NTRK1: variants seen among roughly 807,000 people sequenced by gnomAD.
The protein encoded by NTRK1 is high affinity nerve growth factor receptor.
NTRK1 carries 62 observed loss-of-function variants against 86.8 expected under a neutral mutation model. The observed-to-expected ratio is 0.71, with a 90% CI of 0.58 to 0.88. The LOEUF (loss-of-function observed/expected upper bound fraction) is 0.88, where lower values mean the gene tolerates loss of function less well. Among genes scored for constraint, NTRK1 ranks in the 40% least tolerant of loss-of-function variants. The probability of loss-of-function intolerance (pLI) is 0.00; values close to 1 mark genes in which losing one functional copy is unlikely to be tolerated. For missense variants in NTRK1, 967 were observed against 1,078.4 expected, an observed-to-expected ratio of 0.90 and a Z score of 1.45; for synonymous variants, 469 against 456.6, an observed-to-expected ratio of 1.03 and a Z score of -0.35.
intron 2 of NTRK1, chr1:156,851,264 G>T (rs779124058): frequency 2.5e-6 from 4 of 1,613,666 alleles, no homozygotes; most frequent in Admixed American, 3.3e-5. Context: ...GTAATAGAAG[G>T]AGCTGGTCAG....
chr1:156,854,614 C>T lies in NTRK1; in HGVS notation c.51-9740C>T, dbSNP rs956384965. Among the ~76,000 whole-genome samples the T allele has an allele frequency of 4.6e-5, 7 of 152,234 alleles. No individual in the cohort carries two copies. The highest frequency in any genetic ancestry group is 1.2e-4 in the African/African-American group (5 of 41,464). ...CCCAACGACTGCAAGCGACTCCCAG[C>T]GACTTCATTCTTGCAGTCACCCTTA... is the stretch of plus-strand genomic sequence containing the variant. On this transcript the variant is annotated intron_variant, in intron 2 of 16. Coordinates refer to the NTRK1 transcript ENST00000392302. This position sits in a 1 kb window ranked among gnomAD's most constrained non-coding sequence, Gnocchi z 4.2.
chr1:156,867,652 C>CTTTCT (rs1175607828), intron 4 of NTRK1, among the ~76,000 whole-genome samples: 16 of 149,348 alleles, frequency 1.1e-4, no homozygotes, highest in Middle Eastern at 3.7e-3. Flanking sequence ...TCTTTTCTTT[C>CTTTCT]TTTCTTTTCT....
rs763193926 is a variant in NTRK1, at chr1:156,843,436, C to T, written c.50+1243C>T. 2.4e-5 allele frequency: 39 copies of T among 1,614,040 alleles called. No individual in the cohort carries two copies. Among genetic ancestry groups the T allele is most frequent in the East Asian group, 1.6e-4 (7 of 44,900 alleles). On this transcript the variant is annotated intron_variant, in intron 2 of 16. Transcript: ENST00000392302. ...CCACTCCCAGACCTACTATCAGAGG[C>T]GCTGAAGTACTCTGGATTCACAGAA...
upstream of NTRK1, chr1:156,858,871 C>G: frequency 1.9e-6 from 1 of 539,496 alleles, no homozygotes; most frequent in Non-Finnish European, 3.3e-6. Context: ...GAGATGGGGA[C>G]AGAGATGCAG....
intron 2 of NTRK1, chr1:156,845,027 T>C (rs1006283833): frequency 2.6e-6 from 4 of 1,561,982 alleles, no homozygotes; most frequent in African/African-American, 2.7e-5. Flanking sequence ...TTGCACAGGG[T>C]CCTTGGGGTC....
At chr1:156,841,228 A>G in intron 1 of NTRK1, 1 of 965,066 alleles carries the variant, frequency 1.0e-6, no homozygotes, top group Non-Finnish European at 1.6e-6. Context: ...GAGGGTGAGA[A>G]GGGATTAAAT....
At chr1:156,862,241 G>A (rs962073023) in intron 1 of NTRK1, among the ~76,000 whole-genome samples, 10 of 152,162 alleles carry the variant, frequency 6.6e-5, no homozygotes, top group Admixed American at 5.9e-4. Context: ...GGTAATTAAC[G>A]GGAAGGCACT....
In NTRK1 at chr1:156,868,564, C is replaced by T. The variant is rs2102894461; in HGVS notation, c.634C>T (p.Leu212=). Residue 212 remains leucine, a synonymous_variant, in exon 6 of 17, where the codon CTG becomes TTG. Coordinates refer to ENST00000524377, the MANE Select transcript of NTRK1 (RefSeq NM_002529.4). ...NASVDVGDDV[L]LRCQVEGRGL... The stretch of plus-strand genomic sequence containing the variant: ...CTCGGTGGATGTGGGGGACGACGTG[C>T]TGCTGCGGTGCCAGGTGGAGGGGCG... 6.4e-7 allele frequency: 1 copy of T among 1,555,610 alleles called. No homozygotes were observed. Among genetic ancestry groups the T allele is most frequent in the Non-Finnish European group, 8.7e-7 (1 of 1,149,278 alleles).
upstream of NTRK1, chr1:156,860,734 G>C (rs1655596201): frequency 1.6e-5 from 17 of 1,046,506 alleles, no homozygotes; most frequent in Non-Finnish European, 2.0e-5. Flanking sequence ...ACAGGGGAGG[G>C]GGCAGAGGGG....
At chr1:156,863,766 C>G (rs1655793949) in intron 1 of NTRK1, among the ~76,000 whole-genome samples, 1 of 152,120 alleles carries the variant, frequency 6.6e-6, no homozygotes, top group Admixed American at 6.5e-5. Flanking sequence ...TGCATGAGCA[C>G]AGGCTTCGTC....
At chr1:156,860,398 T>C (rs956358833), upstream of NTRK1, among the ~76,000 whole-genome samples, 3 of 152,212 alleles carry the variant, frequency 2.0e-5, no homozygotes, top group African/African-American at 7.2e-5. Context: ...TGGTAGTCCT[T>C]TTCGTTTTCT....
upstream of NTRK1, chr1:156,860,725 CAG>C: frequency 1.0e-6 from 1 of 992,210 alleles, no homozygotes; most frequent in Non-Finnish European, 1.3e-6. Context: ...GGGCCCCTAA[CAG>C]GGGAGGGGGC....
In NTRK1 at chr1:156,868,605, C is replaced by A. The variant is rs1407589933; in HGVS notation, c.675C>A (p.Ala225=). 6.4e-7 allele frequency: 1 copy of A among 1,551,042 alleles called. No individual in the cohort carries two copies. Among genetic ancestry groups the A allele is most frequent in the Non-Finnish European group, 8.7e-7 (1 of 1,147,070 alleles). Residue 225 remains alanine, a synonymous_variant, in exon 6 of 17, where the codon GCC becomes GCA. Transcript: ENST00000524377. ...CQVEGRGLEQ[A]GWILTELEQS... ...TGGAGGGGCGGGGCCTGGAGCAGGCCGGCTGGATCCTCACAGAGCTGGAGC... is the reference window on the plus strand; with the variant it reads ...TGGAGGGGCGGGGCCTGGAGCAGGCAGGCTGGATCCTCACAGAGCTGGAGC...
chr1:156,819,386 C>T (rs1472696352), intron 1 of NTRK1, among the ~76,000 whole-genome samples: 1 of 152,062 alleles, frequency 6.6e-6, no homozygotes, highest in African/African-American at 2.4e-5. Context: ...TTTTAATTTG[C>T]ATTTCCCTGA....
chr1:156,872,598 T>TATATATAC (rs1021461095), intron 7 of NTRK1, among the ~76,000 whole-genome samples: 4 of 151,624 alleles, frequency 2.6e-5, no homozygotes, highest in Non-Finnish European at 5.9e-5. Flanking sequence ...ATATTATATA[T>TATATATAC]ATATATACAT....
At chr1:156,864,840 C>T (rs1420076211) in intron 3 of NTRK1, 41 bp downstream of exon 3, 103 of 1,588,526 alleles carry the variant, frequency 6.5e-5, no homozygotes, top group Non-Finnish European at 8.9e-5. Context: ...TTGGGGAGGA[C>T]ACCCAGACTT....
chr1:156,841,531 G>A lies in NTRK1; in HGVS notation c.-63-550G>A, dbSNP rs1270619004. The A allele has an allele frequency of 1.9e-6, 3 of 1,613,992 alleles. No homozygotes were observed. The South Asian group carries it at 3.3e-5, about 18-fold the overall frequency. On this transcript the variant is annotated intron_variant, in intron 1 of 16. Coordinates refer to the NTRK1 transcript ENST00000392302. ...CCCAGAGTACCACGCCAAAGGACCT[G>A]GGGGCATGCAGGAGCTCCTGAGCCC...
At chr1:156,874,229 T>C (rs2102908014) in intron 8 of NTRK1, 154 bp from the exon 9 acceptor site, 1 of 1,196,922 alleles carries the variant, frequency 8.4e-7, no homozygotes, top group Non-Finnish European at 1.2e-6. Context: ...GTCACATGCA[T>C]CTTCTTCCTT....
intron 1 of NTRK1, among the ~76,000 whole-genome samples, chr1:156,862,806 G>T (rs1222621028): frequency 6.6e-6 from 1 of 152,086 alleles, no homozygotes; most frequent in Non-Finnish European, 1.5e-5. Flanking sequence ...AAACCCTCTG[G>T]GCAGGGGCTG....
Sources: allele counts gnomAD v4.1 joint callset (sites outside exome capture counted in the v4.1 genomes callset), GRCh38; gene constraint gnomAD v4.1.1; non-coding constraint Gnocchi (gnomAD v3.1); transcripts MANE v1.5; gene names NCBI Gene and HGNC (gene_info 2026-07-23, HGNC 2026-07-21).